Variants in IARS2 observed in about 807,000 individuals in gnomAD.
IARS2 encodes isoleucine--tRNA ligase, mitochondrial.
A neutral mutation model predicts 126.3 loss-of-function variants in IARS2; 56 were observed. The ratio of observed to expected loss-of-function variants is 0.44; its 90% CI spans 0.36 to 0.55. The LOEUF (loss-of-function observed/expected upper bound fraction) is 0.55, where lower values mean the gene tolerates loss of function less well. Ranked by LOEUF, IARS2 falls within the 20% of genes least tolerant of loss-of-function variation. The probability of loss-of-function intolerance (pLI) is 0.00; values close to 1 mark genes in which losing one functional copy is unlikely to be tolerated. For missense variants in IARS2, 1,127 were observed against 1,245.9 expected, an observed-to-expected ratio of 0.90 and a Z score of 1.44; for synonymous variants, 407 against 441.1, an observed-to-expected ratio of 0.92 and a Z score of 0.97.
chr1:220,110,434 C>T (rs915144176), intron 10 of IARS2, among the ~76,000 whole-genome samples: 1 of 152,128 alleles, frequency 6.6e-6, no homozygotes, highest in East Asian at 1.9e-4. Flanking sequence ...GGCACGATCT[C>T]GGCTCACTGC....
Position 220,094,433 on chromosome 1 carries a change from A to G in IARS2, c.217A>G (p.Met73Val), listed in dbSNP as rs1190512528. The change falls in exon 1 of 23, where the codon ATG becomes GTG. Residue 73 changes from methionine (M) to valine (V), a missense_variant. Transcript: ENST00000366922. Reference protein sequence around the residue: ...TVLLPQTSFPMKLLGRQQPDT... With the variant: ...TVLLPQTSFPVKLLGRQQPDT... ...GCTGCTGCCGCAGACGAGCTTCCCC[A>G]TGAAGCTGCTGGGCCGCCAGCAGCC... is the stretch of plus-strand genomic sequence containing the variant. The G allele has an allele frequency of 3.7e-6, 6 of 1,611,608 alleles. No homozygotes were observed. The highest frequency in any genetic ancestry group is 2.7e-5 in the African/African-American group (2 of 74,824).
rs375451440 is a variant in IARS2, at chr1:220,133,059, A to G, written c.1838-1343A>G. On this transcript the variant is annotated intron_variant, in intron 14 of 22. Transcript: ENST00000366922. ...AGATTCTTACTCTGTCGCCCAGGCT[A>G]GAGTGCAGTGGCACAATCTCTGCCC... 1.3e-4 allele frequency among the ~76,000 whole-genome samples: 20 copies of G among 150,304 alleles called. No homozygotes were observed. The East Asian group carries it at 3.8e-3, about 29-fold the overall frequency.
rs191806652 is a variant in IARS2 at position 220,147,478 on chromosome 1, T to C, written c.2897-15T>C. On this transcript the variant is annotated splice_polypyrimidine_tract_variant and intron_variant, in intron 22 of 22. Coordinates refer to ENST00000366922, the MANE Select transcript of IARS2 (RefSeq NM_018060.4). ...GAATGCCTATCAGAAATACTCTTCA[T>C]GTATTTTTTTATAGGTGGTGATATT... 630 of 1,611,996 alleles carry C rather than the reference T, an allele frequency of 3.9e-4. 2 individuals are homozygous for C. In the African/African-American group the frequency reaches 6.8e-3, roughly 17 times the overall value.
At position 220,139,623 on chromosome 1, in the gene IARS2, T is replaced by C. The variant is rs572146078; in HGVS notation, c.2307+484T>C. 1.3e-4 allele frequency among the ~76,000 whole-genome samples: 20 copies of C among 152,184 alleles called. No individual in the cohort carries two copies. In the South Asian group the frequency reaches 2.7e-3, roughly 21 times the overall value. On this transcript the variant is annotated intron_variant, in intron 18 of 22. Transcript: ENST00000366922. Reference sequence around the variant, plus strand: ...AAAATTAGCCAGGCGTGTTAGCCAGTGCATGTAGTCCCAGCTCCTTGGGAG... The same window carrying C: ...AAAATTAGCCAGGCGTGTTAGCCAGCGCATGTAGTCCCAGCTCCTTGGGAG...
At position 220,107,858 on chromosome 1, in the gene IARS2, C is replaced by T. The variant is rs182551503; in HGVS notation, c.1327+707C>T. On this transcript the variant is annotated intron_variant, in intron 10 of 22. Transcript: ENST00000366922. ...CTTGGCATTCCTTGGTTTATAACTGCGTTACTCCACTCTCTGCCTGTCTTG... is the reference window on the plus strand; with the variant it reads ...CTTGGCATTCCTTGGTTTATAACTGTGTTACTCCACTCTCTGCCTGTCTTG... Among the ~76,000 whole-genome samples the T allele has an allele frequency of 7.8e-3, 1,184 of 152,230 alleles. 11 individuals carry two copies. Among genetic ancestry groups the T allele is most frequent in the Non-Finnish European group, 0.01 (683 of 68,010 alleles).
At chr1:220,137,790 C>CAT in intron 16 of IARS2, 128 bp from the exon 17 acceptor site, 1 of 911,520 alleles carries the variant, frequency 1.1e-6, no homozygotes, top group Non-Finnish European at 1.7e-6. Context: ...CATTTCATTA[C>CAT]AGTGCTAGTA....
chr1:220,118,059 A>C (rs1329607494), intron 12 of IARS2: 31 of 432,470 alleles, frequency 7.2e-5, no homozygotes, highest in Non-Finnish European at 1.3e-4. Context: ...TAATTTTATA[A>C]AACAGGCTGA....
At chr1:220,099,380 C>T (rs1217890937) in intron 2 of IARS2, among the ~76,000 whole-genome samples, 1 of 152,030 alleles carries the variant, frequency 6.6e-6, no homozygotes, top group East Asian at 1.9e-4. Flanking sequence ...TTTCAACATA[C>T]AGTCGATGTA....
In IARS2 at chr1:220,094,253, G is replaced by T. The variant is rs1167859367; in HGVS notation, c.37G>T (p.Ala13Ser). The change falls in exon 1 of 23, where the codon GCC (alanine) becomes TCC (serine). Residue 13 changes from alanine (A) to serine (S), a missense_variant. By Grantham distance (99) the Ala-to-Ser change is moderately conservative. Coordinates refer to ENST00000366922, the MANE Select transcript of IARS2 (RefSeq NM_018060.4). ...WGLRPRGPGA[A>S]ALATARSLWG... ...GCTGCGCCCTCGCGGGCCGGGCGCG[G>T]CCGCCCTGGCCACTGCCCGAAGTTT... is the stretch of plus-strand genomic sequence containing the variant. 1.3e-6 allele frequency: 2 copies of T among 1,599,436 alleles called. No homozygotes were observed. The highest frequency in any genetic ancestry group is 4.5e-5 in the East Asian group (2 of 44,292).
At chr1:220,126,114 A>G (rs1657151107) in intron 13 of IARS2, among the ~76,000 whole-genome samples, 1 of 151,328 alleles carries the variant, frequency 6.6e-6, no homozygotes. Context: ...CTCAAAAAAA[A>G]AAAAAAAAAG....
chr1:220,118,107 G>A, intron 12 of IARS2: 1 of 459,944 alleles, frequency 2.2e-6, no homozygotes. Context: ...GAGAGTCCAA[G>A]TGACCACAAT....
intron 2 of IARS2, among the ~76,000 whole-genome samples, chr1:220,098,140 G>A (rs182052053): frequency 6.6e-6 from 1 of 152,196 alleles, no homozygotes; most frequent in East Asian, 1.9e-4. Flanking sequence ...ACCCGCCTCG[G>A]CCTCCCAAAG....
At chr1:220,098,884 T>C (rs1355057193) in intron 2 of IARS2, among the ~76,000 whole-genome samples, 1 of 152,160 alleles carries the variant, frequency 6.6e-6, no homozygotes, top group Non-Finnish European at 1.5e-5. Context: ...TTTCATCCTG[T>C]TCATATGACT....
At chr1:220,133,731 C>T (rs561580224) in intron 14 of IARS2, among the ~76,000 whole-genome samples, 8 of 152,144 alleles carry the variant, frequency 5.3e-5, no homozygotes, top group East Asian at 3.9e-4. Context: ...GATTTCCCAA[C>T]GTTAACATTA....
chr1:220,102,067 A>G, intron 3 of IARS2, 62 bp from the exon 4 acceptor site: 1 of 1,470,198 alleles, frequency 6.8e-7, no homozygotes, highest in East Asian at 2.3e-5. Flanking sequence ...ATACATGCTA[A>G]ACCATGTTTA....
intron 10 of IARS2, 115 bp downstream of exon 10, chr1:220,107,266 C>T: frequency 1.5e-6 from 1 of 681,464 alleles, no homozygotes; most frequent in East Asian, 2.7e-5. Context: ...TAAATTATGT[C>T]TTGTTTTGCC....
At chr1:220,146,442 C>A (rs1054305631) in intron 22 of IARS2, among the ~76,000 whole-genome samples, 1 of 143,302 alleles carries the variant, frequency 7.0e-6, no homozygotes, top group Non-Finnish European at 1.5e-5. Flanking sequence ...GGCGTGAACC[C>A]CGGAGGCGGA....
chr1:220,109,545 C>T (rs574485325), intron 10 of IARS2, among the ~76,000 whole-genome samples: 22 of 152,300 alleles, frequency 1.4e-4, no homozygotes, highest in African/African-American at 4.6e-4. Context: ...TTTAAGATTT[C>T]TCTAGCATTA....
intron 21 of IARS2, chr1:220,144,202 A>C: frequency 1.3e-6 from 1 of 780,702 alleles, no homozygotes; most frequent in South Asian, 1.3e-5. Flanking sequence ...AGTGATTTCA[A>C]ATTTGCCAAT....
Sources: gnomAD v4.1 joint callset for allele counts (sites outside exome capture counted in the v4.1 genomes callset) on GRCh38, gnomAD v4.1.1 for gene constraint, MANE v1.5 for transcripts, NCBI Gene and HGNC (gene_info 2026-07-23, HGNC 2026-07-21) for gene names.